The following DNAH3 variants were observed in gnomAD, a reference collection of about 807,000 sequenced individuals.
The protein encoded by DNAH3 is axonemal beta dynein heavy chain 3.
In DNAH3, 332 loss-of-function variants were observed where a neutral mutation model predicts 432.5. The ratio of observed to expected loss-of-function variants is 0.77; its 90% CI spans 0.70 to 0.84. DNAH3 has a LOEUF of 0.84. Among genes scored for constraint, DNAH3 ranks in the 40% least tolerant of loss-of-function variants. The probability of loss-of-function intolerance (pLI) is 0.00; values close to 1 mark genes in which losing one functional copy is unlikely to be tolerated. For missense variants in DNAH3, 4,861 were observed against 5,114.0 expected, an observed-to-expected ratio of 0.95 and a Z score of 1.51; for synonymous variants, 1,956 against 1,900.2, an observed-to-expected ratio of 1.03 and a Z score of -0.76.
chr16:21,029,564 G>T (rs914304186), intron 37 of DNAH3, among the ~76,000 whole-genome samples: 2 of 152,168 alleles, frequency 1.3e-5, no homozygotes, highest in Non-Finnish European at 1.5e-5. Context: ...TAGCTTGTCT[G>T]AGGTTACATA....
intron 19 of DNAH3, among the ~76,000 whole-genome samples, chr16:21,086,023 G>C (rs1301703595): frequency 6.6e-6 from 1 of 152,128 alleles, no homozygotes; most frequent in African/African-American, 2.4e-5. Context: ...TTCTCAAAGT[G>C]TTAGGATTAT....
chr16:20,951,908 T>C (rs758277020), intron 56 of DNAH3, among the ~76,000 whole-genome samples: 9 of 152,018 alleles, frequency 5.9e-5, no homozygotes, highest in Admixed American at 1.3e-4. Flanking sequence ...CATGCCCGGC[T>C]AATTTTTTAT....
intron 40 of DNAH3, among the ~76,000 whole-genome samples, chr16:21,020,348 GTATATATATATA>G: frequency 1.4e-5 from 1 of 69,158 alleles, no homozygotes; most frequent in Admixed American, 2.2e-4. Flanking sequence ...TATAGTGTGT[GTATATATATATA>G]TATATATAAA....
chr16:21,009,651 G>A (rs1348213861), intron 41 of DNAH3, among the ~76,000 whole-genome samples: 1 of 152,160 alleles, frequency 6.6e-6, no homozygotes, highest in East Asian at 1.9e-4. Context: ...GGCCAAGGTG[G>A]ATGAATCACT....
intron 36 of DNAH3, among the ~76,000 whole-genome samples, chr16:21,032,957 T>C (rs2088964089): frequency 6.6e-6 from 1 of 151,980 alleles, no homozygotes; most frequent in African/African-American, 2.4e-5. Flanking sequence ...ATATTTTATA[T>C]TTTATTATAT....
chr16:21,051,711 GGA>G lies in DNAH3; in HGVS notation c.4195_4196del (p.Ser1399ProfsTer49), dbSNP rs778530168. On this transcript the variant is annotated frameshift_variant, in exon 29 of 62. Transcript: ENST00000261383. LOFTEE classifies it high-confidence loss of function. ...TGAGGGGTGTGATCACCAGCCGGGG[GGA>G]GTTTCCCAGGTACTCATAGCCATAC... 17 of 1,613,722 alleles carry G rather than the reference GGA, an allele frequency of 1.1e-5. No individual in the cohort carries two copies. The highest frequency in any genetic ancestry group is 1.4e-5 in the Non-Finnish European group (17 of 1,180,016).
At chr16:20,965,995 G>A (rs543365878) in intron 52 of DNAH3, among the ~76,000 whole-genome samples, 6 of 132,206 alleles carry the variant, frequency 4.5e-5, no homozygotes, top group African/African-American at 1.5e-4. Context: ...TTCCAGGCCT[G>A]AGCCACCATG....
intron 60 of DNAH3, 130 bp downstream of exon 60, chr16:20,936,519 C>G (rs1178788631): frequency 1.3e-6 from 1 of 780,320 alleles, no homozygotes; most frequent in African/African-American, 1.7e-5. Flanking sequence ...AAGACTGTTT[C>G]CAGAGGCTCA....
Position 21,037,898 on chromosome 16 carries a change from C to A in DNAH3, c.4813G>T (p.Ala1605Ser), listed in dbSNP as rs756364538. Residue 1605 changes from alanine (A) to serine (S), a missense_variant, in exon 34 of 62, where the codon GCT becomes TCT. Ala to Ser is a moderately conservative substitution (Grantham distance 99). Transcript: ENST00000261383. The stretch of plus-strand genomic sequence containing the variant: ...GCGGCAGTAAGCACAGACTTGACAG[C>A]GCGCATACCGTAGTCATAGTGATGC... 3 of 1,614,022 alleles carry A rather than the reference C, an allele frequency of 1.9e-6. No homozygotes were observed. In the East Asian group the frequency reaches 6.7e-5, roughly 36 times the overall value.
chr16:20,982,457 TC>T (rs2085955205), intron 49 of DNAH3, among the ~76,000 whole-genome samples: 1 of 152,180 alleles, frequency 6.6e-6, no homozygotes, highest in South Asian at 2.1e-4. Flanking sequence ...GAATGCATAT[TC>T]TAGGACTACT....
chr16:21,149,282 C>G (rs1265151733), intron 1 of DNAH3, among the ~76,000 whole-genome samples: 1 of 151,904 alleles, frequency 6.6e-6, no homozygotes, highest in East Asian at 1.9e-4. Flanking sequence ...CTTAAATCTT[C>G]TCTTTGGTAA....
intron 57 of DNAH3, among the ~76,000 whole-genome samples, chr16:20,947,268 T>C (rs1596898154): frequency 6.6e-6 from 1 of 151,902 alleles, no homozygotes; most frequent in Admixed American, 6.6e-5. Context: ...TCCTGGAGGG[T>C]ATTTCACCCA....
At chr16:21,138,584 G>A (rs571974594) in intron 5 of DNAH3, among the ~76,000 whole-genome samples, 1 of 152,264 alleles carries the variant, frequency 6.6e-6, no homozygotes, top group East Asian at 1.9e-4. Flanking sequence ...GCTGAGGTGG[G>A]TGGATCATTC....
chr16:20,952,879 G>A lies in DNAH3; in HGVS notation c.11072-330C>T, dbSNP rs146699163. ...CACGGAGCTCCAAAAATAACACCGC[G>A]GCATGGCTAGACAGCAGGAGCTACG... On this transcript the variant is annotated intron_variant, in intron 55 of 61. Transcript: ENST00000261383. 3.7e-4 allele frequency among the ~76,000 whole-genome samples: 56 copies of A among 152,200 alleles called. 1 individual carries two copies. In the East Asian group the frequency reaches 9.6e-3, roughly 26 times the overall value.
intron 1 of DNAH3, among the ~76,000 whole-genome samples, chr16:21,155,817 CTTG>C (rs2092894107): frequency 6.6e-6 from 1 of 152,036 alleles, no homozygotes; most frequent in African/African-American, 2.4e-5. Flanking sequence ...GCCCCTGCCT[CTTG>C]TTATCAAGAG....
intron 1 of DNAH3, among the ~76,000 whole-genome samples, chr16:21,147,853 C>T (rs2092804943): frequency 6.6e-6 from 1 of 152,184 alleles, no homozygotes; most frequent in Non-Finnish European, 1.5e-5. Flanking sequence ...ATATGCAAAA[C>T]AACCACTTCA....
At chr16:20,939,354 G>A (rs540646188) in intron 59 of DNAH3, among the ~76,000 whole-genome samples, 3 of 152,310 alleles carry the variant, frequency 2.0e-5, no homozygotes, top group African/African-American at 4.8e-5. Context: ...GCTTACACCT[G>A]TAATCCCAGC....
Position 21,039,933 on chromosome 16 carries a change from C to T in DNAH3, c.4649G>A (p.Arg1550Gln), listed in dbSNP as rs148358323. 4.3e-6 allele frequency: 7 copies of T among 1,613,480 alleles called. No individual in the cohort carries two copies. The East Asian group carries it at 6.7e-5, about 15-fold the overall frequency. The change falls in exon 33 of 62, where the codon CGG becomes CAG. Residue 1550 changes from arginine (R) to glutamine (Q), a missense_variant. By Grantham distance (43) the Arg-to-Gln change is conservative. Transcript: ENST00000261383. The stretch of plus-strand genomic sequence containing the variant: ...ATCTGGGACCATCATGGCCACTGTC[C>T]GGAACAAGGCCTGGAAAAGAAACAA...
chr16:20,984,975 G>A lies in DNAH3; in HGVS notation c.7665+102C>T, dbSNP rs112258730. On this transcript the variant is annotated intron_variant, in intron 48 of 61. Coordinates refer to ENST00000261383, the Ensembl canonical transcript of DNAH3. ...AACCCTGGGACCATTGTAAGGGATT[G>A]GCCTGCTCAGGGCACTCAGAAGACC... 7 of 1,255,902 alleles carry A rather than the reference G, an allele frequency of 5.6e-6. No individual in the cohort carries two copies. In the African/African-American group the frequency reaches 6.0e-5, roughly 11 times the overall value. 77.8% of individuals were successfully genotyped at this position (1,255,902 alleles called of 1,614,324 possible). A position where few individuals can be genotyped will look rare whatever the true frequency, so the allele number is the denominator to read the frequency against.
Sources: gnomAD v4.1 joint callset for allele counts (sites outside exome capture counted in the v4.1 genomes callset) on GRCh38, gnomAD v4.1.1 for gene constraint, MANE v1.5 for transcripts, NCBI Gene and HGNC (gene_info 2026-07-23, HGNC 2026-07-21) for gene names.